ALK: variants seen among roughly 807,000 people sequenced by gnomAD.
ALK encodes the protein ALK tyrosine kinase receptor.
In ALK, 74 loss-of-function variants were observed where a neutral mutation model predicts 163.1. That is an observed-to-expected ratio of 0.45 (90% CI 0.38 to 0.55). ALK has a LOEUF of 0.55. Ranked by LOEUF, ALK falls within the 20% of genes least tolerant of loss-of-function variation. ALK has a pLI of 0.00. For missense variants in ALK, 2,063 were observed against 2,105.3 expected (o/e 0.98, Z 0.39); for synonymous variants, 960 against 843.2 (o/e 1.14, Z -2.40).
intron 1 of ALK, among the ~76,000 whole-genome samples, chr2:29,760,142 A>T (rs115698287): frequency 0.013 from 1,967 of 152,164 alleles, 40 homozygotes; most frequent in African/African-American, 0.044. Context: ...GCTTGGCAAC[A>T]TTTTTGTCTA....
At chr2:29,760,221 A>G (rs1481862867) in intron 1 of ALK, among the ~76,000 whole-genome samples, 1 of 151,970 alleles carries the variant, frequency 6.6e-6, no homozygotes, top group Non-Finnish European at 1.5e-5. Context: ...ACACATCCCT[A>G]TATACACACT....
At chr2:29,502,315 G>A (rs1672209704) in intron 4 of ALK, among the ~76,000 whole-genome samples, 1 of 152,154 alleles carries the variant, frequency 6.6e-6, no homozygotes. Context: ...CAGAGTTAAT[G>A]CATAGTTAAG....
At chr2:29,894,169 T>C (rs1479705648) in intron 1 of ALK, among the ~76,000 whole-genome samples, 3 of 152,172 alleles carry the variant, frequency 2.0e-5, no homozygotes, top group East Asian at 3.9e-4. Context: ...GCTGTCCTCA[T>C]CTGCAAACTC....
chr2:29,658,147 A>C (rs1304057298), intron 3 of ALK, among the ~76,000 whole-genome samples: 1 of 152,150 alleles, frequency 6.6e-6, no homozygotes, highest in Non-Finnish European at 1.5e-5. Context: ...TTGTAATTCC[A>C]TGGGAAACAA....
At chr2:29,223,689 G>T (rs1663817354) in intron 19 of ALK, 161 bp from the exon 20 acceptor site, 2 of 658,502 alleles carry the variant, frequency 3.0e-6, no homozygotes, top group Middle Eastern at 8.2e-4. Context: ...ATTAAAGAAG[G>T]TGTGTCTTTA....
At chr2:29,302,284 G>A (rs1046206316) in intron 8 of ALK, among the ~76,000 whole-genome samples, 1 of 152,192 alleles carries the variant, frequency 6.6e-6, no homozygotes, top group Non-Finnish European at 1.5e-5. Context: ...TTGGGAGGCC[G>A]AGGCAGGTGG....
chr2:29,495,976 C>T (rs574610211), intron 4 of ALK, among the ~76,000 whole-genome samples: 11 of 152,298 alleles, frequency 7.2e-5, no homozygotes, highest in East Asian at 3.9e-4. Context: ...AGGAAAAGAG[C>T]ACAACCTCAC....
chr2:29,261,492 G>A (rs1297971306), intron 11 of ALK, among the ~76,000 whole-genome samples: 1 of 152,034 alleles, frequency 6.6e-6, no homozygotes, highest in Non-Finnish European at 1.5e-5. Context: ...GCTATGGTGA[G>A]CCCCTGTATG....
intron 3 of ALK, among the ~76,000 whole-genome samples, chr2:29,653,367 C>T (rs772495970): frequency 1.7e-4 from 26 of 152,152 alleles, no homozygotes; most frequent in Non-Finnish European, 3.1e-4. Flanking sequence ...CTTCTCCCTT[C>T]GCCCTGTCTT....
At chr2:29,810,030 C>T (rs1276093358) in intron 1 of ALK, among the ~76,000 whole-genome samples, 2 of 152,174 alleles carry the variant, frequency 1.3e-5, no homozygotes, top group Admixed American at 1.3e-4. Flanking sequence ...AAAGGTAACA[C>T]AGACAAAGAA....
intron 4 of ALK, among the ~76,000 whole-genome samples, chr2:29,416,453 A>G (rs1669879321): frequency 6.6e-6 from 1 of 152,224 alleles, no homozygotes; most frequent in Non-Finnish European, 1.5e-5. Flanking sequence ...CAAATGTGGC[A>G]TCTAAGGGCC....
At position 29,420,100 on chromosome 2, in the gene ALK, T is replaced by C. The variant is rs536701510; in HGVS notation, c.1155-36241A>G. 4.2e-5 allele frequency among the ~76,000 whole-genome samples: 6 copies of C among 142,576 alleles called. No homozygotes were observed. The Admixed American group carries it at 4.4e-4, about 11-fold the overall frequency. The allele number at this position is 142,576 out of a possible 152,430, so 93.5% of individuals were successfully genotyped here. A position where few individuals can be genotyped will look rare whatever the true frequency, so the allele number is the denominator to read the frequency against. ...TGAATTTGGGAGGTTGAGGCTGCTGTGAGTTGGGATGGTGCCACTGCACTC... is the reference window on the plus strand; with the variant it reads ...TGAATTTGGGAGGTTGAGGCTGCTGCGAGTTGGGATGGTGCCACTGCACTC... On this transcript the variant is annotated intron_variant, in intron 4 of 28. Transcript: ENST00000389048.
Position 29,228,937 on chromosome 2 carries a change from A to T in ALK, c.2762T>A (p.Phe921Tyr). The change falls in exon 16 of 29, where the codon TTC (phenylalanine) becomes TAC (tyrosine). Residue 921 changes from phenylalanine (F) to tyrosine (Y), a missense_variant. Around this residue, in one of 5 missense-constraint regions of ALK, gnomAD observed 575 missense variants for 626.6 expected, o/e 0.92. Transcript: ENST00000389048. ...KKWGWETRGG[F>Y]GGGGGGCSSG... ...GGAGCACCCCCCTCCACCCCCTCCGAAACCCCCTCTTGTCTCCCACCCCCA... is the reference window on the plus strand; with the variant it reads ...GGAGCACCCCCCTCCACCCCCTCCGTAACCCCCTCTTGTCTCCCACCCCCA... The T allele has an allele frequency of 1.6e-6, 1 of 609,444 alleles. No homozygotes were observed. The highest frequency in any genetic ancestry group is 2.6e-6 in the Non-Finnish European group (1 of 389,638). 37.8% of individuals were successfully genotyped at this position (609,444 alleles called of 1,614,324 possible). A position where few individuals can be genotyped will look rare whatever the true frequency, so the allele number is the denominator to read the frequency against.
chr2:29,786,971 AT>A (rs1664045026), intron 1 of ALK, among the ~76,000 whole-genome samples: 1 of 152,010 alleles, frequency 6.6e-6, no homozygotes, highest in Non-Finnish European at 1.5e-5. Flanking sequence ...AATTTTTTGT[AT>A]TTTTAGTAAA....
At chr2:29,315,190 G>A (rs1267090402) in intron 8 of ALK, among the ~76,000 whole-genome samples, 3 of 152,050 alleles carry the variant, frequency 2.0e-5, no homozygotes, top group Non-Finnish European at 4.4e-5. Context: ...AAATATTCAT[G>A]CCCCGTGTGT....
At chr2:29,839,867 TTG>T (rs1435962161) in intron 1 of ALK, among the ~76,000 whole-genome samples, 1 of 152,134 alleles carries the variant, frequency 6.6e-6, no homozygotes, top group Non-Finnish European at 1.5e-5. Context: ...ATAATAATAA[TTG>T]TGAGTTTACT....
chr2:29,333,272 T>A (rs1220801766), intron 5 of ALK, among the ~76,000 whole-genome samples: 1 of 152,108 alleles, frequency 6.6e-6, no homozygotes, highest in African/African-American at 2.4e-5. Flanking sequence ...CCTGCCACCA[T>A]GCCTGGCTAA....
At chr2:29,258,608 T>C (rs2148203522) in intron 11 of ALK, among the ~76,000 whole-genome samples, 1 of 152,382 alleles carries the variant, frequency 6.6e-6, no homozygotes, top group Admixed American at 6.5e-5. Context: ...TAACTGTTTG[T>C]ACATTATTAT....
chr2:29,752,539 G>A (rs1366141667), intron 1 of ALK, among the ~76,000 whole-genome samples: 1 of 151,372 alleles, frequency 6.6e-6, no homozygotes, highest in Non-Finnish European at 1.5e-5. Context: ...TAGTAGAGAC[G>A]GGGTTTCACC....
Sources: allele counts gnomAD v4.1 joint callset (sites outside exome capture counted in the v4.1 genomes callset), GRCh38; gene constraint gnomAD v4.1.1; regional missense constraint gnomAD v4.1.1; transcripts MANE v1.5; gene names NCBI Gene and HGNC (gene_info 2026-07-23, HGNC 2026-07-21).